The following KCND3 variants were observed in gnomAD, a reference collection of about 807,000 sequenced individuals.
KCND3 encodes the protein A-type voltage-gated potassium channel KCND3.
Under a neutral mutation model 51.1 loss-of-function variants are expected in KCND3, and 9 were observed. The observed-to-expected ratio is 0.18, with a 90% CI of 0.11 to 0.31. The LOEUF is 0.31. Ranked by LOEUF, KCND3 falls within the 10% of genes least tolerant of loss-of-function variation. KCND3 has a pLI of 1.00. For missense variants in KCND3, 526 were observed against 903.8 expected, an observed-to-expected ratio of 0.58 and a Z score of 5.36; for synonymous variants, 349 against 368.0, an observed-to-expected ratio of 0.95 and a Z score of 0.59.
At chr1:111,951,788 G>C (rs1009903499) in intron 2 of KCND3, among the ~76,000 whole-genome samples, 1 of 152,188 alleles carries the variant, frequency 6.6e-6, no homozygotes, top group Admixed American at 6.5e-5. Flanking sequence ...AGTAGTCTGG[G>C]AAGAGATCAT....
At chr1:111,805,068 G>A (rs1053424162) in intron 2 of KCND3, among the ~76,000 whole-genome samples, 3 of 152,190 alleles carry the variant, frequency 2.0e-5, no homozygotes, top group African/African-American at 2.4e-5. Context: ...AAAGGGCAGG[G>A]GACTTCTTGG....
intron 2 of KCND3, among the ~76,000 whole-genome samples, chr1:111,892,956 T>C (rs999588224): frequency 6.6e-6 from 1 of 152,146 alleles, no homozygotes; most frequent in African/African-American, 2.4e-5. Flanking sequence ...CTGGAGAAGG[T>C]GAGTTTTGCT....
chr1:111,799,744 A>G (rs1002224788), intron 2 of KCND3, among the ~76,000 whole-genome samples: 1 of 152,258 alleles, frequency 6.6e-6, no homozygotes. Flanking sequence ...AGCTCCTAGG[A>G]AAAACACACT....
intron 2 of KCND3, among the ~76,000 whole-genome samples, chr1:111,891,959 C>T (rs944543916): frequency 3.6e-5 from 5 of 139,092 alleles, no homozygotes; most frequent in Admixed American, 7.8e-5. Context: ...GTGTGGTGTG[C>T]GTGTGTGTCT....
At chr1:111,865,292 C>T (rs1266957126) in intron 2 of KCND3, among the ~76,000 whole-genome samples, 1 of 152,256 alleles carries the variant, frequency 6.6e-6, no homozygotes, top group Non-Finnish European at 1.5e-5. Context: ...GTCTTGCCTT[C>T]GGCTATTGAA....
intron 2 of KCND3, among the ~76,000 whole-genome samples, chr1:111,827,881 G>A (rs1022050190): frequency 6.6e-6 from 1 of 152,144 alleles, no homozygotes; most frequent in Non-Finnish European, 1.5e-5. Context: ...GATGCAGCAG[G>A]GGGCCCTGCT....
chr1:111,819,890 C>T (rs1295720326), intron 2 of KCND3, among the ~76,000 whole-genome samples: 1 of 152,232 alleles, frequency 6.6e-6, no homozygotes, highest in Non-Finnish European at 1.5e-5. Flanking sequence ...CACCCACCTT[C>T]CGTCTTTAAC....
intron 2 of KCND3, among the ~76,000 whole-genome samples, chr1:111,788,937 CCA>C (rs1159798048): frequency 1.3e-5 from 2 of 152,170 alleles, no homozygotes; most frequent in Non-Finnish European, 2.9e-5. Context: ...ATTCTGAAAA[CCA>C]CAGTCTCTGT....
intron 2 of KCND3, among the ~76,000 whole-genome samples, chr1:111,887,793 A>T (rs976507651): frequency 2.0e-5 from 3 of 152,236 alleles, no homozygotes; most frequent in Admixed American, 6.5e-5. Context: ...AGGAATGGGA[A>T]ATTCATGCTC....
intron 2 of KCND3, among the ~76,000 whole-genome samples, chr1:111,938,684 T>C (rs889550079): frequency 6.6e-6 from 1 of 152,052 alleles, no homozygotes; most frequent in African/African-American, 2.4e-5. Context: ...AAGCAGCAAC[T>C]GCAAAGGCCC....
chr1:111,901,451 C>A (rs1223867605), intron 2 of KCND3, among the ~76,000 whole-genome samples: 1 of 152,298 alleles, frequency 6.6e-6, no homozygotes, highest in East Asian at 1.9e-4. Flanking sequence ...ATTCTAAGGG[C>A]CGGGGCAAAA....
chr1:111,951,487 G>C (rs187313412), intron 2 of KCND3, among the ~76,000 whole-genome samples: 99 of 152,270 alleles, frequency 6.5e-4, no homozygotes, highest in African/African-American at 1.9e-3. Flanking sequence ...GGGTTGGATG[G>C]GTGGAGTAAA....
chr1:111,823,205 T>C (rs971017255), intron 2 of KCND3, among the ~76,000 whole-genome samples: 3 of 152,198 alleles, frequency 2.0e-5, no homozygotes, highest in Non-Finnish European at 4.4e-5. Flanking sequence ...GGGAGAGGTG[T>C]TCCACAAATC....
At chr1:111,940,081 T>TTTTG (rs1672435230) in intron 2 of KCND3, among the ~76,000 whole-genome samples, 1 of 138,432 alleles carries the variant, frequency 7.2e-6, no homozygotes, top group Non-Finnish European at 1.5e-5. Flanking sequence ...TGGTTTTTTT[T>TTTTG]TTTTTTTTTT....
At chr1:111,975,422 A>G (rs1674574071) in intron 2 of KCND3, among the ~76,000 whole-genome samples, 1 of 152,124 alleles carries the variant, frequency 6.6e-6, no homozygotes, top group African/African-American at 2.4e-5. Context: ...TGGGAGCAGG[A>G]CCAACAAGCA....
chr1:111,988,925 A>C (rs1169832365), intron 1 of KCND3: 2 of 152,308 alleles, frequency 1.3e-5, no homozygotes, highest in East Asian at 3.9e-4. Flanking sequence ...CCCCACCTCC[A>C]GTGTAAACAC....
rs992877350 is a variant in KCND3, at chr1:111,771,133, T to G, written c.*4944A>C. The stretch of plus-strand genomic sequence containing the variant: ...GTTAGAGTGACATCATCCAGTGTAG[T>G]TGAGTAACCTGCTAAGATAAATGTC... On this transcript the variant is annotated 3_prime_UTR_variant, in exon 8 of 8. Coordinates refer to ENST00000302127, the MANE Select transcript of KCND3 (RefSeq NM_001378969.1). The G allele has an allele frequency of 1.3e-5, 2 of 152,184 alleles. No individual in the cohort carries two copies. The highest frequency in any genetic ancestry group is 6.5e-5 in the Admixed American group (1 of 15,276). 9.4% of individuals were successfully genotyped at this position (152,184 alleles called of 1,614,324 possible). A position where few individuals can be genotyped will look rare whatever the true frequency, so the allele number is the denominator to read the frequency against.
At chr1:111,790,819 A>G in intron 2 of KCND3, among the ~76,000 whole-genome samples, 1 of 152,176 alleles carries the variant, frequency 6.6e-6, no homozygotes, top group East Asian at 1.9e-4. Context: ...TGTGAATGGA[A>G]CCATATATGT....
intron 2 of KCND3, among the ~76,000 whole-genome samples, chr1:111,884,553 AGAG>A (rs1158252087): frequency 6.6e-6 from 1 of 152,186 alleles, no homozygotes; most frequent in African/African-American, 2.4e-5. Flanking sequence ...AAAGCACTAG[AGAG>A]GAGACCACGC....
Sources: allele counts gnomAD v4.1 joint callset (sites outside exome capture counted in the v4.1 genomes callset), GRCh38; gene constraint gnomAD v4.1.1; transcripts MANE v1.5; gene names NCBI Gene and HGNC (gene_info 2026-07-23, HGNC 2026-07-21).